Variants in NTN1 observed in about 807,000 individuals in gnomAD.
NTN1 encodes netrin 1.
A neutral mutation model predicts 54.2 loss-of-function variants in NTN1; 11 were observed. That is an observed-to-expected ratio of 0.20 (90% confidence interval 0.13 to 0.34). The LOEUF is 0.34. Among genes scored for constraint, NTN1 ranks in the 10% least tolerant of loss-of-function variants. The pLI, the probability that NTN1 is intolerant of heterozygous loss-of-function variation, is 1.00. For missense variants in NTN1, 740 were observed against 893.1 expected (o/e 0.83, Z 2.18); for synonymous variants, 371 against 382.0 (o/e 0.97, Z 0.33).
At chr17:9,012,539 A>C in the NTN1 span, among the ~76,000 whole-genome samples, 2 of 134,264 alleles carry the variant, frequency 1.5e-5, no homozygotes, top group African/African-American at 5.5e-5. Flanking sequence ...AACAAAACAA[A>C]AAAAAAAAAA....
At chr17:9,126,402 C>T (rs71371892) in intron 2 of NTN1, among the ~76,000 whole-genome samples, 9,764 of 152,182 alleles carry the variant, frequency 0.064, 452 homozygotes, top group Non-Finnish European at 0.1. Context: ...CCCAGCTACT[C>T]GGGAGGCTGA....
At chr17:9,069,184 A>G (rs1489057378) in intron 2 of NTN1, among the ~76,000 whole-genome samples, 6 of 152,130 alleles carry the variant, frequency 3.9e-5, no homozygotes, top group African/African-American at 1.4e-4. Context: ...AGCTGCTAAA[A>G]CACTTTTCCC....
chr17:9,221,089 G>T lies in NTN1; in HGVS notation c.1412-79G>T, dbSNP rs1905331278. ...AGGCCTCTGGCTATTTAGGGAGGCGGCCTCCTACTCTGCCCGCCAGCCTAT... is the reference window on the plus strand; with the variant it reads ...AGGCCTCTGGCTATTTAGGGAGGCGTCCTCCTACTCTGCCCGCCAGCCTAT... On this transcript the variant is annotated intron_variant, in intron 5 of 6. Transcript: ENST00000173229. This position sits in a 1 kb window ranked among gnomAD's most constrained non-coding sequence, Gnocchi z 4.5. The T allele has an allele frequency of 1.9e-6, 2 of 1,037,174 alleles. No homozygotes were observed. The highest frequency in any genetic ancestry group is 1.3e-5 in the South Asian group (1 of 78,870). The allele number at this position is 1,037,174 out of a possible 1,614,324, so 64.2% of individuals were successfully genotyped here. A position where few individuals can be genotyped will look rare whatever the true frequency, so the allele number is the denominator to read the frequency against.
rs190104702 is a variant in NTN1 at position 9,151,970 on chromosome 17, G to A, written c.1019-10843G>A. Among the ~76,000 whole-genome samples the A allele has an allele frequency of 2.1e-3, 325 of 152,284 alleles. 2 individuals carry two copies. Among genetic ancestry groups the A allele is most frequent in the South Asian group, 7.3e-3 (35 of 4,824 alleles). On this transcript the variant is annotated intron_variant, in intron 2 of 6. Coordinates refer to ENST00000173229, the MANE Select transcript of NTN1 (RefSeq NM_004822.3). ...AGCCCGAGTCTAAAAGTAGCCAATCGCGGGGAGGATTGAAAAAAGGGCACT... is the reference window on the plus strand; with the variant it reads ...AGCCCGAGTCTAAAAGTAGCCAATCACGGGGAGGATTGAAAAAAGGGCACT...
intron 2 of NTN1, among the ~76,000 whole-genome samples, chr17:9,128,768 C>T (rs1008501214): frequency 3.9e-5 from 6 of 152,226 alleles, no homozygotes; most frequent in East Asian, 1.9e-4. Context: ...TTCTCAGGGC[C>T]GCCTGGCCAG....
intron 5 of NTN1, among the ~76,000 whole-genome samples, chr17:9,217,143 C>T (rs1027238860): frequency 3.3e-5 from 5 of 152,040 alleles, no homozygotes; most frequent in African/African-American, 9.7e-5. Flanking sequence ...GAGGAGGGAT[C>T]GTCCCCACTG....
chr17:9,011,598 G>A, the NTN1 span, among the ~76,000 whole-genome samples: 1 of 152,036 alleles, frequency 6.6e-6, no homozygotes, highest in Non-Finnish European at 1.5e-5. Flanking sequence ...TTTTGGGGGG[G>A]CATTTTTTTT....
At chr17:9,155,197 T>G (rs2092337971) in intron 2 of NTN1, among the ~76,000 whole-genome samples, 1 of 152,076 alleles carries the variant, frequency 6.6e-6, no homozygotes, top group South Asian at 2.1e-4. Flanking sequence ...CTGTCCATCT[T>G]CCCCTGAGCC....
chr17:9,225,008 T>C (rs1305653337), intron 6 of NTN1, among the ~76,000 whole-genome samples: 2 of 152,024 alleles, frequency 1.3e-5, no homozygotes, highest in African/African-American at 4.8e-5. Context: ...CACTTAAAAG[T>C]TGGGGGCACT....
intron 2 of NTN1, among the ~76,000 whole-genome samples, chr17:9,068,870 C>T (rs1016161104): frequency 3.9e-5 from 6 of 152,044 alleles, no homozygotes; most frequent in Admixed American, 3.3e-4. Context: ...GTGTGTCATC[C>T]TCGAATTTCC....
intron 2 of NTN1, among the ~76,000 whole-genome samples, chr17:9,062,885 AAAT>A (rs2092003208): frequency 6.6e-6 from 1 of 152,176 alleles, no homozygotes; most frequent in African/African-American, 2.4e-5. Flanking sequence ...AAGTAAAAAA[AAAT>A]AATAATAATA....
chr17:9,207,128 C>A (rs754097082), intron 5 of NTN1, among the ~76,000 whole-genome samples: 2 of 152,042 alleles, frequency 1.3e-5, no homozygotes, highest in East Asian at 3.9e-4. Context: ...TTATGTGTCC[C>A]GGGCCCTGGG....
intron 3 of NTN1, chr17:9,176,619 G>C (rs1317212963): frequency 6.6e-6 from 1 of 152,202 alleles, no homozygotes; most frequent in African/African-American, 2.4e-5. Flanking sequence ...ATCTCGATTT[G>C]TGAATTTTTA....
the NTN1 span, among the ~76,000 whole-genome samples, chr17:9,003,596 C>T: frequency 6.7e-6 from 1 of 148,690 alleles, no homozygotes; most frequent in African/African-American, 2.4e-5. This position sits in a 1 kb window ranked among gnomAD's most constrained non-coding sequence, Gnocchi z 7.4. Context: ...AGCCCCGGCC[C>T]TGCCGCGCCC....
rs1446821148 is a variant in NTN1, at chr17:9,025,278, A to C, written c.1018+1887A>C. Among the ~76,000 whole-genome samples, 3 of 152,374 alleles carry C rather than the reference A, an allele frequency of 2.0e-5. No homozygotes were observed. The East Asian group carries it at 5.8e-4, about 29-fold the overall frequency. ...ACCTGCGTTTGTTATAATGATGGTCATGCACTTGAAATAATCTCTATAGTT... is the reference window on the plus strand; with the variant it reads ...ACCTGCGTTTGTTATAATGATGGTCCTGCACTTGAAATAATCTCTATAGTT... On this transcript the variant is annotated intron_variant, in intron 2 of 6. Coordinates refer to ENST00000173229, the MANE Select transcript of NTN1 (RefSeq NM_004822.3).
At chr17:9,183,769 G>A (rs2092425832) in intron 5 of NTN1, 2 of 170,502 alleles carry the variant, frequency 1.2e-5, no homozygotes, top group Non-Finnish European at 2.5e-5. Context: ...TTAGCATGGG[G>A]AAATGTTTGT....
chr17:9,054,129 G>A (rs2091970086), intron 2 of NTN1, among the ~76,000 whole-genome samples: 1 of 152,310 alleles, frequency 6.6e-6, no homozygotes, highest in South Asian at 2.1e-4. Flanking sequence ...GGGAACGAAG[G>A]GCGGACAGTG....
chr17:9,141,218 G>A (rs1431385522), intron 2 of NTN1, among the ~76,000 whole-genome samples: 2 of 151,908 alleles, frequency 1.3e-5, no homozygotes, highest in Non-Finnish European at 2.9e-5. Flanking sequence ...ATTGAATTGG[G>A]GGAGATTACC....
At chr17:9,163,822 C>G (rs1363813570) in intron 3 of NTN1, among the ~76,000 whole-genome samples, 2 of 152,170 alleles carry the variant, frequency 1.3e-5, no homozygotes, top group East Asian at 3.9e-4. Context: ...TTGGGAATTC[C>G]AGGAACCAGG....
Sources: gnomAD v4.1 joint callset for allele counts (sites outside exome capture counted in the v4.1 genomes callset) on GRCh38, gnomAD v4.1.1 for gene constraint, Gnocchi (gnomAD v3.1) non-coding constraint, MANE v1.5 for transcripts, NCBI Gene and HGNC (gene_info 2026-07-23, HGNC 2026-07-21) for gene names.